The following FOXP2 variants were observed in gnomAD, a reference collection of about 807,000 sequenced individuals.
The protein encoded by FOXP2 is forkhead box protein P2.
Under a neutral mutation model 115.8 loss-of-function variants are expected in FOXP2, and 12 were observed. The ratio of observed to expected loss-of-function variants is 0.10; its 90% CI spans 0.07 to 0.17. The LOEUF is 0.17. Among genes scored for constraint, FOXP2 ranks in the 10% least tolerant of loss-of-function variants. FOXP2 has a pLI of 1.00. For missense variants in FOXP2, 629 were observed against 843.5 expected, an observed-to-expected ratio of 0.75 and a Z score of 3.15; for synonymous variants, 328 against 297.7, an observed-to-expected ratio of 1.10 and a Z score of -1.05.
intron 1 of FOXP2, among the ~76,000 whole-genome samples, chr7:114,267,031 A>G (rs1004377580): frequency 1.3e-5 from 2 of 152,228 alleles, no homozygotes; most frequent in Admixed American, 1.3e-4. Context: ...AAAAAAACAA[A>G]TGAGCAAATC....
chr7:114,395,687 G>A (rs182225950), intron 2 of FOXP2, among the ~76,000 whole-genome samples: 1 of 151,988 alleles, frequency 6.6e-6, no homozygotes, highest in Non-Finnish European at 1.5e-5. Context: ...AGATTTGAGA[G>A]AGCAGGATTA....
intron 3 of FOXP2, among the ~76,000 whole-genome samples, chr7:114,592,413 A>AT (rs1052838644): frequency 2.0e-5 from 3 of 151,784 alleles, no homozygotes; most frequent in East Asian, 1.9e-4. Context: ...ATGAGCATAT[A>AT]TTTTTTTTAT....
chr7:114,595,692 T>G (rs916359964), intron 3 of FOXP2, among the ~76,000 whole-genome samples: 1 of 151,942 alleles, frequency 6.6e-6, no homozygotes, highest in South Asian at 2.1e-4. Context: ...GAATCCACAG[T>G]GCTAATTCCC....
intron 1 of FOXP2, among the ~76,000 whole-genome samples, chr7:114,234,266 A>G (rs1794955400): frequency 6.6e-6 from 1 of 152,196 alleles, no homozygotes; most frequent in Non-Finnish European, 1.5e-5. Flanking sequence ...GTAGAGAGGT[A>G]GTCCCAGAGA....
chr7:114,646,649 A>G (rs896212418), intron 8 of FOXP2, among the ~76,000 whole-genome samples: 13 of 151,978 alleles, frequency 8.6e-5, no homozygotes, highest in Admixed American at 5.3e-4. Context: ...GATATGCTTT[A>G]GATTCACTAA....
At chr7:114,568,711 T>C (rs1481900028) in intron 3 of FOXP2, among the ~76,000 whole-genome samples, 1 of 151,930 alleles carries the variant, frequency 6.6e-6, no homozygotes, top group East Asian at 1.9e-4. Context: ...GGCACCTGTA[T>C]CCCTTAAATT....
intron 1 of FOXP2, among the ~76,000 whole-genome samples, chr7:114,246,342 C>T (rs917458494): frequency 1.3e-5 from 2 of 152,040 alleles, no homozygotes; most frequent in African/African-American, 4.8e-5. Flanking sequence ...AAATCTTGGA[C>T]TTATTTCATT....
Position 114,426,662 on chromosome 7 carries a change from C to T in FOXP2, c.151C>T (p.His51Tyr). Residue 51 changes from histidine to tyrosine, a missense_variant, in exon 2 of 17, where the codon CAT becomes TAT. Physicochemically the swap from His to Tyr is moderately conservative, Grantham distance 83 (BLOSUM62 2). Transcript: ENST00000350908. ...SSEVSTVELL[H>Y]LQQQQALQAA... Reference sequence around the variant, plus strand: ...TGAAGTAAGCACAGTAGAACTGCTGCATCTGCAACAACAGCAGGTAAGTTT... The same window carrying T: ...TGAAGTAAGCACAGTAGAACTGCTGTATCTGCAACAACAGCAGGTAAGTTT... 6.2e-7 allele frequency: 1 copy of T among 1,611,102 alleles called. No homozygotes were observed. The highest frequency in any genetic ancestry group is 8.5e-7 in the Non-Finnish European group (1 of 1,178,056).
At chr7:114,491,860 G>T (rs1314407345) in intron 2 of FOXP2, among the ~76,000 whole-genome samples, 3 of 152,134 alleles carry the variant, frequency 2.0e-5, no homozygotes, top group Admixed American at 6.6e-5. Flanking sequence ...AGGGATATTG[G>T]TCTAAAAGTC....
intron 1 of FOXP2, among the ~76,000 whole-genome samples, chr7:114,175,152 G>A (rs1793255190): frequency 6.6e-6 from 1 of 151,602 alleles, no homozygotes. Context: ...CTTAAAACCT[G>A]TGTTTTCTCT....
At chr7:114,238,594 G>A (rs970735260) in intron 1 of FOXP2, among the ~76,000 whole-genome samples, 2 of 151,920 alleles carry the variant, frequency 1.3e-5, no homozygotes, top group African/African-American at 4.8e-5. Context: ...TCAACATGGC[G>A]AAACCCATCT....
intron 3 of FOXP2, among the ~76,000 whole-genome samples, chr7:114,589,290 G>A (rs990321211): frequency 5.3e-5 from 8 of 151,802 alleles, no homozygotes; most frequent in African/African-American, 1.9e-4. Flanking sequence ...AATATATGGA[G>A]TAGCCTTATT....
At chr7:114,483,716 G>C (rs369061880) in intron 2 of FOXP2, among the ~76,000 whole-genome samples, 146 of 151,682 alleles carry the variant, frequency 9.6e-4, no homozygotes, top group African/African-American at 3.4e-3. Context: ...TAAAGTCTTT[G>C]ACATCAAAGA....
At chr7:114,405,748 C>T (rs1054640116) in intron 2 of FOXP2, among the ~76,000 whole-genome samples, 10 of 151,540 alleles carry the variant, frequency 6.6e-5, no homozygotes, top group Admixed American at 3.3e-4. Context: ...ACTATTTTTT[C>T]GTTAGTATTT....
intron 2 of FOXP2, among the ~76,000 whole-genome samples, chr7:114,308,371 G>T (rs1219783601): frequency 2.0e-5 from 3 of 152,058 alleles, no homozygotes; most frequent in Admixed American, 2.0e-4. Flanking sequence ...GAACTCCCTA[G>T]GTCTCCTCGT....
rs111473620 is a variant in FOXP2 at position 114,656,215 on chromosome 7, T to C, written c.1267-1851T>C. The stretch of plus-strand genomic sequence containing the variant: ...CCTGTCACATATTCATCAGGATAGA[T>C]ATTTCATTGATTTGCAATTTGGTAT... On this transcript the variant is annotated intron_variant, in intron 10 of 16. Coordinates refer to ENST00000350908, the MANE Select transcript of FOXP2 (RefSeq NM_014491.4). Among the ~76,000 whole-genome samples, 351 of 152,270 alleles carry C rather than the reference T, an allele frequency of 2.3e-3. 2 individuals carry two copies. The highest frequency in any genetic ancestry group is 6.8e-3 in the Middle Eastern group (2 of 294).
chr7:114,308,852 A>G (rs1374093803), intron 2 of FOXP2, among the ~76,000 whole-genome samples: 1 of 152,192 alleles, frequency 6.6e-6, no homozygotes, highest in Admixed American at 6.5e-5. Flanking sequence ...AAACGGTGCC[A>G]TTGTAATCCA....
chr7:114,118,454 C>T (rs75262032), intron 1 of FOXP2, among the ~76,000 whole-genome samples: 2 of 148,008 alleles, frequency 1.4e-5, no homozygotes, highest in African/African-American at 2.5e-5. Context: ...TTTTTGGATA[C>T]CCCCCTTTTT....
chr7:114,128,656 C>T (rs1391363467), intron 1 of FOXP2, among the ~76,000 whole-genome samples: 1 of 151,954 alleles, frequency 6.6e-6, no homozygotes, highest in Non-Finnish European at 1.5e-5. Context: ...TATATTTAGT[C>T]TCTTATCTTT....
Sources: gnomAD v4.1 joint callset for allele counts (sites outside exome capture counted in the v4.1 genomes callset) on GRCh38, gnomAD v4.1.1 for gene constraint, MANE v1.5 for transcripts, NCBI Gene and HGNC (gene_info 2026-07-23, HGNC 2026-07-21) for gene names.